CREB5: variants seen among roughly 807,000 people sequenced by gnomAD.
CREB5 encodes the protein cAMP responsive element binding protein 5.
Under a neutral mutation model 57.1 loss-of-function variants are expected in CREB5, and 19 were observed. The ratio of observed to expected loss-of-function variants is 0.33; its 90% confidence interval spans 0.23 to 0.49. The LOEUF is 0.49. Among genes scored for constraint, CREB5 ranks in the 20% least tolerant of loss-of-function variants. The pLI, the probability that CREB5 is intolerant of heterozygous loss-of-function variation, is 0.99. For synonymous variants in CREB5, 238 were observed against 238.3 expected, an observed-to-expected ratio of 1.00 and a Z score of 0.01; for missense variants, 579 against 671.6, an observed-to-expected ratio of 0.86 and a Z score of 1.52.
chr7:28,546,621 A>G (rs1357929847), intron 4 of CREB5, among the ~76,000 whole-genome samples: 1 of 152,218 alleles, frequency 6.6e-6, no homozygotes, highest in African/African-American at 2.4e-5. Context: ...TAGATCTTGT[A>G]TATGTGGGCT....
At chr7:28,556,521 C>T (rs1794886621) in intron 4 of CREB5, among the ~76,000 whole-genome samples, 2 of 152,076 alleles carry the variant, frequency 1.3e-5, no homozygotes, top group Admixed American at 1.3e-4. Flanking sequence ...GTTTATTTTT[C>T]TGTGTGTTAG....
rs73301127 is a variant in CREB5, at chr7:28,541,872, G to A, written c.292-28493G>A. Reference sequence around the variant, plus strand: ...TTCTACTGTGGTTGAAAAGGTCATTGTTGTTGTTCTTTATGCTCAATTCAA... The same window carrying A: ...TTCTACTGTGGTTGAAAAGGTCATTATTGTTGTTCTTTATGCTCAATTCAA... On this transcript the variant is annotated intron_variant, in intron 4 of 10. Transcript: ENST00000357727. Among the ~76,000 whole-genome samples, 132 of 152,284 alleles carry A rather than the reference G, an allele frequency of 8.7e-4. 1 individual carries two copies. Among genetic ancestry groups the A allele is most frequent in the African/African-American group, 3.1e-3 (127 of 41,566 alleles).
intron 1 of CREB5, among the ~76,000 whole-genome samples, chr7:28,434,596 A>G (rs1788867833): frequency 6.6e-6 from 1 of 152,228 alleles, no homozygotes; most frequent in South Asian, 2.1e-4. Context: ...TCAATAATTA[A>G]ATAGCTAAAT....
At chr7:28,651,530 C>T (rs1204829980) in intron 5 of CREB5, among the ~76,000 whole-genome samples, 1 of 152,006 alleles carries the variant, frequency 6.6e-6, no homozygotes, top group East Asian at 1.9e-4. Context: ...TCGCTTGAGC[C>T]CAGGAGTTTG....
chr7:28,678,289 G>A (rs1800415220), intron 5 of CREB5, among the ~76,000 whole-genome samples: 1 of 152,072 alleles, frequency 6.6e-6, no homozygotes, highest in Non-Finnish European at 1.5e-5. Flanking sequence ...TTGGGAGGCT[G>A]AGGTGGGAGA....
At chr7:28,318,953 G>C (rs986181804) in intron 1 of CREB5, among the ~76,000 whole-genome samples, 38 of 152,252 alleles carry the variant, frequency 2.5e-4, no homozygotes, top group African/African-American at 9.1e-4. Context: ...TTTTGATTCT[G>C]GACTGACATT....
intron 1 of CREB5, among the ~76,000 whole-genome samples, chr7:28,442,671 CT>C (rs1186140468): frequency 2.0e-5 from 3 of 152,074 alleles, no homozygotes; most frequent in Non-Finnish European, 4.4e-5. Context: ...GAGATGATAT[CT>C]CGTTGTGGTT....
intron 1 of CREB5, among the ~76,000 whole-genome samples, chr7:28,459,830 G>A (rs537395753): frequency 7.9e-5 from 12 of 152,236 alleles, no homozygotes; most frequent in Admixed American, 2.6e-4. Flanking sequence ...TGTTTCTGGC[G>A]CTGAACACAT....
At chr7:28,354,133 C>A (rs1218422778) in intron 1 of CREB5, among the ~76,000 whole-genome samples, 1 of 152,118 alleles carries the variant, frequency 6.6e-6, no homozygotes, top group African/African-American at 2.4e-5. Context: ...GGAGTGCTTG[C>A]ATGTCTAAAT....
intron 7 of CREB5, among the ~76,000 whole-genome samples, chr7:28,744,473 G>A (rs1383639706): frequency 3.4e-5 from 5 of 148,404 alleles, no homozygotes; most frequent in Non-Finnish European, 3.0e-5. Flanking sequence ...TCAGCCTCCC[G>A]AGTAGCTGGG....
intron 5 of CREB5, among the ~76,000 whole-genome samples, chr7:28,704,362 G>A (rs1250386992): frequency 1.3e-5 from 2 of 152,172 alleles, no homozygotes; most frequent in African/African-American, 4.8e-5. Flanking sequence ...TCAAGGAAAG[G>A]AAAGTCCAAG....
chr7:28,536,400 T>C (rs6951160), intron 4 of CREB5, among the ~76,000 whole-genome samples: 22,812 of 152,210 alleles, frequency 0.15, 2,059 homozygotes, highest in East Asian at 0.3. Flanking sequence ...TGCTGCCTGC[T>C]TGCCAACTGC....
chr7:28,643,142 G>T (rs1025970417), intron 5 of CREB5, among the ~76,000 whole-genome samples: 1 of 152,064 alleles, frequency 6.6e-6, no homozygotes, highest in African/African-American at 2.4e-5. Context: ...CACCTGCATT[G>T]AACTTGTAGG....
chr7:28,675,720 C>G (rs1426978236), intron 5 of CREB5, among the ~76,000 whole-genome samples: 1 of 152,054 alleles, frequency 6.6e-6, no homozygotes, highest in East Asian at 1.9e-4. Flanking sequence ...AACCACCTAC[C>G]CTTGCAAAGT....
Position 28,737,539 on chromosome 7 carries a change from GTATATATATATATATATATATATATA to G in CREB5, c.702+13231_702+13256del, listed in dbSNP as rs59294932. On this transcript the variant is annotated intron_variant, in intron 7 of 10. Transcript: ENST00000357727. ...TGTGTGTATATATGTATATATATAC[GTATATATATATATATATATATATATA>G]TATATATATATATATATATATATTT... is the stretch of plus-strand genomic sequence containing the variant. Among the ~76,000 whole-genome samples the G allele has an allele frequency of 1.8e-3, 48 of 26,670 alleles. 1 individual carries two copies. In the South Asian group the frequency reaches 0.022, roughly 12 times the overall value. 17.5% of individuals were successfully genotyped at this position (26,670 alleles called of 152,430 possible).
intron 5 of CREB5, among the ~76,000 whole-genome samples, chr7:28,643,672 C>T (rs557817285): frequency 6.6e-6 from 1 of 151,904 alleles, no homozygotes; most frequent in East Asian, 1.9e-4. Flanking sequence ...CAATCACCAT[C>T]ACTACTTTGT....
chr7:28,812,764 C>T (rs1224629179), intron 9 of CREB5, among the ~76,000 whole-genome samples: 1 of 152,164 alleles, frequency 6.6e-6, no homozygotes, highest in Non-Finnish European at 1.5e-5. Flanking sequence ...TGACCCTTTC[C>T]CTCTCACTGG....
intron 1 of CREB5, among the ~76,000 whole-genome samples, chr7:28,363,745 C>T (rs577378952): frequency 2.0e-5 from 3 of 152,244 alleles, no homozygotes; most frequent in Non-Finnish European, 2.9e-5. Context: ...GAGCTGAGCT[C>T]GAATCTTGGC....
intron 5 of CREB5, among the ~76,000 whole-genome samples, chr7:28,607,780 TGTGTGTGTGTGTG>T: frequency 7.3e-6 from 1 of 136,880 alleles, no homozygotes; most frequent in South Asian, 2.3e-4. Flanking sequence ...TGTGTGTGTG[TGTGTGTGTGTGTG>T]TTTTACCATG....
Sources: gnomAD v4.1 joint callset for allele counts (sites outside exome capture counted in the v4.1 genomes callset) on GRCh38, gnomAD v4.1.1 for gene constraint, MANE v1.5 for transcripts, NCBI Gene and HGNC (gene_info 2026-07-23, HGNC 2026-07-21) for gene names.